The following ACSM3 variants were observed in gnomAD, a reference collection of about 807,000 sequenced individuals.
ACSM3 encodes the protein acyl-coenzyme A synthetase ACSM3, mitochondrial.
Under a neutral mutation model 74.1 loss-of-function variants are expected in ACSM3, and 61 were observed. The ratio of observed to expected loss-of-function variants is 0.82; its 90% CI spans 0.67 to 1.02. The LOEUF (loss-of-function observed/expected upper bound fraction) is 1.02. Among genes scored for constraint, ACSM3 ranks in the 50% least tolerant of loss-of-function variants. ACSM3 has a pLI of 0.00. For missense variants in ACSM3, 660 were observed against 697.0 expected, an observed-to-expected ratio of 0.95 and a Z score of 0.60; for synonymous variants, 213 against 241.5, an observed-to-expected ratio of 0.88 and a Z score of 1.09.
At chr16:20,769,759 A>G (rs1462564283) in intron 1 of ACSM3, among the ~76,000 whole-genome samples, 1 of 152,174 alleles carries the variant, frequency 6.6e-6, no homozygotes, top group African/African-American at 2.4e-5. Flanking sequence ...CATTTTCTCA[A>G]TCTGTAAACA....
At chr16:20,768,981 G>A (rs1169547000) in intron 1 of ACSM3, among the ~76,000 whole-genome samples, 1 of 152,124 alleles carries the variant, frequency 6.6e-6, no homozygotes, top group Non-Finnish European at 1.5e-5. Context: ...GTCTGCTTAG[G>A]GTAAAACTGC....
intron 1 of ACSM3, 22 bp from the exon 2 acceptor site, chr16:20,769,962 G>A (rs2080170935): frequency 6.7e-7 from 1 of 1,485,080 alleles, no homozygotes; most frequent in South Asian, 1.2e-5. Flanking sequence ...ACAAATATAT[G>A]TCCTTTTTGC....
intron 1 of ACSM3, among the ~76,000 whole-genome samples, chr16:20,704,714 T>C (rs2079722148): frequency 6.6e-6 from 1 of 152,080 alleles, no homozygotes; most frequent in Non-Finnish European, 1.5e-5. Flanking sequence ...TGTAGGAGAG[T>C]ATAAAAGTAT....
chr16:20,763,890 G>T (rs5709), upstream of ACSM3: 1,012 of 152,254 alleles, frequency 6.6e-3, 19 homozygotes, highest in African/African-American at 0.023. Context: ...CCTGTAAGAG[G>T]AACCGCTGGG....
chr16:20,731,856 T>A, intron 1 of ACSM3: 1 of 225,664 alleles, frequency 4.4e-6, no homozygotes, highest in Non-Finnish European at 8.3e-6. Flanking sequence ...AGAGGGCACC[T>A]TTGTTTAGCC....
chr16:20,691,471 G>T (rs1274035319), intron 1 of ACSM3, among the ~76,000 whole-genome samples: 1 of 152,098 alleles, frequency 6.6e-6, no homozygotes, highest in Non-Finnish European at 1.5e-5. Context: ...CGCGTTCCTA[G>T]GGGTCTTCTC....
chr16:20,755,745 AT>A (rs2152437403), intron 3 of ACSM3: 1 of 141,784 alleles, frequency 7.1e-6, no homozygotes, highest in Non-Finnish European at 1.5e-5. Flanking sequence ...TTAACTCATC[AT>A]TTAGCATTAG....
intron 4 of ACSM3, among the ~76,000 whole-genome samples, chr16:20,778,544 A>G (rs1488286872): frequency 6.6e-6 from 1 of 152,230 alleles, no homozygotes; most frequent in Non-Finnish European, 1.5e-5. Context: ...TAAACCTCAC[A>G]GCAACCTAGG....
rs1370613456 is a variant in ACSM3, at chr16:20,780,763, A to G, written c.688A>G (p.Met230Val). The G allele has an allele frequency of 2.5e-6, 4 of 1,614,108 alleles. No individual in the cohort carries two copies. Among genetic ancestry groups the G allele is most frequent in the East Asian group, 2.2e-5 (1 of 44,894 alleles). Residue 230 changes from methionine to valine, a missense_variant, in exon 5 of 14, where the codon ATG (methionine) becomes GTG (valine). Physicochemically the swap from Met to Val is conservative, Grantham distance 21. Transcript: ENST00000289416. ...TGTGAAGACAAAACACAATGAGATC[A>G]TGGCCATATTCTTTACCAGTGGAAC... ...TCVKTKHNEIMAIFFTSGTSG... is the reference protein window; with the variant it reads ...TCVKTKHNEIVAIFFTSGTSG...
chr16:20,737,098 C>G lies in ACSM3; in HGVS notation c.-189-12812C>G, dbSNP rs572673795. The stretch of plus-strand genomic sequence containing the variant: ...TCCAGTTTAGCTTCTTTCCCATTTC[C>G]CTGCTTTGAGTTAAGCTGTGACGGA... On this transcript the variant is annotated intron_variant, in intron 1 of 3. Coordinates refer to the ACSM3 transcript ENST00000561584. The G allele has an allele frequency of 8.1e-6, 13 of 1,614,026 alleles. No individual in the cohort carries two copies. In the Admixed American group the frequency reaches 1.7e-4, roughly 21 times the overall value.
chr16:20,794,264 C>T (rs761060088), intron 12 of ACSM3, among the ~76,000 whole-genome samples: 1 of 152,134 alleles, frequency 6.6e-6, no homozygotes, highest in Non-Finnish European at 1.5e-5. Context: ...ACCATTTTAA[C>T]ATTGGAATGT....
chr16:20,765,470 G>A (rs2080115622), intron 1 of ACSM3, among the ~76,000 whole-genome samples: 1 of 152,198 alleles, frequency 6.6e-6, no homozygotes, highest in Admixed American at 6.5e-5. Context: ...GATTCTGAAT[G>A]TGGTGTAGAG....
chr16:20,686,413 C>A (rs908038316), intron 1 of ACSM3, among the ~76,000 whole-genome samples: 9 of 152,022 alleles, frequency 5.9e-5, no homozygotes, highest in African/African-American at 2.2e-4. Context: ...CATGAAAAAG[C>A]CATACTCAAT....
intron 1 of ACSM3, among the ~76,000 whole-genome samples, chr16:20,746,948 A>G (rs1429546201): frequency 1.3e-5 from 2 of 152,182 alleles, no homozygotes; most frequent in African/African-American, 4.8e-5. Context: ...TTTCAATTTT[A>G]TACTCTAAAC....
chr16:20,757,431 CTGTT>C lies in ACSM3; in HGVS notation c.-52+1819_-52+1822del, dbSNP rs926029190. Among the ~76,000 whole-genome samples the C allele has an allele frequency of 3.6e-3, 552 of 151,672 alleles. 3 individuals are homozygous for C. The highest frequency in any genetic ancestry group is 0.012 in the African/African-American group (510 of 41,406). Reference sequence around the variant, plus strand: ...GGGAGTTCACTCATGATTTGGCTCTCTGTTTGTCTATTATTGGTGTATAAGAATG... The same window carrying C: ...GGGAGTTCACTCATGATTTGGCTCTCTGTCTATTATTGGTGTATAAGAATG... On this transcript the variant is annotated intron_variant, in intron 3 of 3. Coordinates refer to the ACSM3 transcript ENST00000561584.
At chr16:20,750,222 A>C (rs564855891) in intron 2 of ACSM3, among the ~76,000 whole-genome samples, 1 of 152,334 alleles carries the variant, frequency 6.6e-6, no homozygotes, top group South Asian at 2.1e-4. Flanking sequence ...TCTTTATTTT[A>C]TATCAATCTG....
intron 1 of ACSM3, among the ~76,000 whole-genome samples, chr16:20,718,089 C>T (rs1473073405): frequency 6.7e-6 from 1 of 149,264 alleles, no homozygotes; most frequent in Non-Finnish European, 1.5e-5. Flanking sequence ...CTTCCAAGTC[C>T]CTCAAGGAGA....
intron 1 of ACSM3, among the ~76,000 whole-genome samples, chr16:20,745,624 C>T (rs928239114): frequency 6.6e-6 from 1 of 152,012 alleles, no homozygotes; most frequent in African/African-American, 2.4e-5. Context: ...GACCACTTGG[C>T]ACCTTGTGGC....
chr16:20,759,235 A>T (rs1417520351), upstream of ACSM3, among the ~76,000 whole-genome samples: 1 of 152,182 alleles, frequency 6.6e-6, no homozygotes, highest in Non-Finnish European at 1.5e-5. Flanking sequence ...TGATTTAATC[A>T]GTCAGGCCTG....
Sources: gnomAD v4.1 joint callset for allele counts (sites outside exome capture counted in the v4.1 genomes callset) on GRCh38, gnomAD v4.1.1 for gene constraint, MANE v1.5 for transcripts, NCBI Gene and HGNC (gene_info 2026-07-23, HGNC 2026-07-21) for gene names.